The following LRRC4C variants were observed in gnomAD, a reference collection of about 807,000 sequenced individuals.
LRRC4C encodes leucine-rich repeat-containing protein 4C.
Under a neutral mutation model 33.6 loss-of-function variants are expected in LRRC4C, and 5 were observed. The observed-to-expected ratio is 0.15, with a 90% CI of 0.08 to 0.31. The LOEUF (loss-of-function observed/expected upper bound fraction) is 0.31. Ranked by LOEUF, LRRC4C falls within the 10% of genes least tolerant of loss-of-function variation. The pLI, the probability that LRRC4C is intolerant of heterozygous loss-of-function variation, is 1.00. For missense variants in LRRC4C, 560 were observed against 796.7 expected, an observed-to-expected ratio of 0.70 and a Z score of 3.58; for synonymous variants, 329 against 302.0, an observed-to-expected ratio of 1.09 and a Z score of -0.93.
intron 1 of LRRC4C, among the ~76,000 whole-genome samples, chr11:41,136,197 A>G (rs1190076003): frequency 6.6e-6 from 1 of 152,182 alleles, no homozygotes; most frequent in East Asian, 1.9e-4. Context: ...GACTAAACAT[A>G]AGGAAATAAC....
intron 2 of LRRC4C, among the ~76,000 whole-genome samples, chr11:40,762,917 C>A (rs4418802): frequency 0.77 from 117,132 of 151,544 alleles, 45,413 homozygotes; most frequent in Middle Eastern, 0.85. Flanking sequence ...GTTTTCATGG[C>A]TATTTAAATT....
At chr11:40,780,935 A>G (rs1950188129) in intron 2 of LRRC4C, among the ~76,000 whole-genome samples, 1 of 152,138 alleles carries the variant, frequency 6.6e-6, no homozygotes, top group Non-Finnish European at 1.5e-5. Flanking sequence ...TGTAAAATGA[A>G]AATGTACATA....
chr11:40,812,487 A>G (rs1168987558), intron 2 of LRRC4C, among the ~76,000 whole-genome samples: 3 of 152,208 alleles, frequency 2.0e-5, no homozygotes, highest in Non-Finnish European at 4.4e-5. Context: ...CTTGGCCCTC[A>G]ATGTAACCAT....
intron 3 of LRRC4C, among the ~76,000 whole-genome samples, chr11:40,643,850 C>T (rs1021276623): frequency 6.6e-6 from 1 of 152,090 alleles, no homozygotes; most frequent in Admixed American, 6.5e-5. Context: ...TCCCACTTCC[C>T]CTACTAGAGC....
chr11:40,363,274 G>A (rs987260131), intron 3 of LRRC4C, among the ~76,000 whole-genome samples: 3 of 152,264 alleles, frequency 2.0e-5, no homozygotes, highest in Middle Eastern at 3.4e-3. Context: ...AATGGAACTG[G>A]AGGCCATTAT....
chr11:41,217,526 G>A (rs1334549887), intron 1 of LRRC4C, among the ~76,000 whole-genome samples: 1 of 152,070 alleles, frequency 6.6e-6, no homozygotes, highest in African/African-American at 2.4e-5. Flanking sequence ...AAGTATTTAG[G>A]CTTTAAAAAT....
chr11:40,172,949 T>C lies in LRRC4C; in HGVS notation c.-95-32096A>G, dbSNP rs73453864. ...GATCTCCTTACAACAAGTGGAAATATGTACACAAAGACAGACATGCACAGA... is the reference window on the plus strand; with the variant it reads ...GATCTCCTTACAACAAGTGGAAATACGTACACAAAGACAGACATGCACAGA... On this transcript the variant is annotated intron_variant, in intron 5 of 6. Transcript: ENST00000528697. Among the ~76,000 whole-genome samples the C allele has an allele frequency of 5.7e-3, 861 of 152,246 alleles. 4 individuals are homozygous for C. Among genetic ancestry groups the C allele is most frequent in the African/African-American group, 0.02 (814 of 41,554 alleles).
At chr11:40,260,956 C>A (rs1867664233) in intron 4 of LRRC4C, among the ~76,000 whole-genome samples, 2 of 152,162 alleles carry the variant, frequency 1.3e-5, no homozygotes, top group Non-Finnish European at 2.9e-5. Flanking sequence ...TCATAGCTCA[C>A]TGTAACTTTG....
chr11:41,148,424 C>T (rs1037588418), intron 1 of LRRC4C, among the ~76,000 whole-genome samples: 9 of 151,992 alleles, frequency 5.9e-5, no homozygotes, highest in African/African-American at 1.7e-4. Flanking sequence ...ATAAAAGATG[C>T]TCAAGATTAT....
At chr11:41,293,753 A>T (rs992860945) in intron 1 of LRRC4C, among the ~76,000 whole-genome samples, 1 of 151,834 alleles carries the variant, frequency 6.6e-6, no homozygotes, top group African/African-American at 2.4e-5. Flanking sequence ...GCGTGCCATC[A>T]TGTCCAGCTA....
chr11:40,597,027 ATG>A (rs1277824488), intron 3 of LRRC4C, among the ~76,000 whole-genome samples: 1 of 152,188 alleles, frequency 6.6e-6, no homozygotes, highest in East Asian at 1.9e-4. Flanking sequence ...AAAAATACAA[ATG>A]TGTTATTGAT....
intron 3 of LRRC4C, among the ~76,000 whole-genome samples, chr11:40,327,871 TA>T (rs1349618190): frequency 1.3e-5 from 2 of 152,020 alleles, no homozygotes; most frequent in African/African-American, 2.4e-5. Flanking sequence ...TGTTGACCTA[TA>T]AAAACTTTAC....
intron 2 of LRRC4C, among the ~76,000 whole-genome samples, chr11:40,727,479 G>C (rs1239162662): frequency 6.6e-6 from 1 of 152,034 alleles, no homozygotes; most frequent in Non-Finnish European, 1.5e-5. Context: ...AGAAAACCTA[G>C]GAAACACTCT....
At chr11:40,266,535 C>G (rs1215167415) in intron 4 of LRRC4C, among the ~76,000 whole-genome samples, 2 of 151,998 alleles carry the variant, frequency 1.3e-5, no homozygotes. Flanking sequence ...TCCCAAGTTA[C>G]CATCTAAATA....
chr11:40,449,842 G>C (rs1186023570), intron 3 of LRRC4C, among the ~76,000 whole-genome samples: 1 of 152,124 alleles, frequency 6.6e-6, no homozygotes, highest in Non-Finnish European at 1.5e-5. Flanking sequence ...CAGCATTAAA[G>C]TTCAGTGAAA....
intron 3 of LRRC4C, among the ~76,000 whole-genome samples, chr11:40,478,489 G>A (rs773690349): frequency 2.3e-4 from 35 of 152,056 alleles, no homozygotes; most frequent in Non-Finnish European, 4.4e-4. Flanking sequence ...GTATGGTATG[G>A]CCCTGAGAAT....
chr11:41,383,808 GA>G (rs1006084172), intron 1 of LRRC4C, among the ~76,000 whole-genome samples: 77 of 147,790 alleles, frequency 5.2e-4, no homozygotes, highest in African/African-American at 1.6e-3. Context: ...AGGCAGACTA[GA>G]AAAAAAAAAT....
intron 1 of LRRC4C, among the ~76,000 whole-genome samples, chr11:41,028,429 C>T (rs1285270418): frequency 6.6e-6 from 1 of 151,644 alleles, no homozygotes; most frequent in Non-Finnish European, 1.5e-5. Context: ...GCTCTATTTC[C>T]ACTTCCAGCA....
Position 41,442,467 on chromosome 11 carries a change from T to TC in LRRC4C, c.-496+16963_-496+16964insG, listed in dbSNP as rs1439947703. Reference sequence around the variant, plus strand: ...TCTTTGTTGCTTTTTTCTTTTTTTTTTTTTTTTTTTTTTTTTTTTTGAGAC... The same window carrying TC: ...TCTTTGTTGCTTTTTTCTTTTTTTTTCTTTTTTTTTTTTTTTTTTTTGAGAC... On this transcript the variant is annotated intron_variant, in intron 1 of 6. Transcript: ENST00000528697. Among the ~76,000 whole-genome samples the TC allele has an allele frequency of 8.8e-3, 671 of 76,262 alleles. 13 individuals are homozygous for TC. Among genetic ancestry groups the TC allele is most frequent in the African/African-American group, 0.036 (648 of 18,214 alleles). The allele number at this position is 76,262 out of a possible 152,430, so 50.0% of individuals were successfully genotyped here.
Sources: allele counts gnomAD v4.1 joint callset (sites outside exome capture counted in the v4.1 genomes callset), GRCh38; gene constraint gnomAD v4.1.1; transcripts MANE v1.5; gene names NCBI Gene and HGNC (gene_info 2026-07-23, HGNC 2026-07-21).